Variants in CR1 observed in about 807,000 individuals in gnomAD.
CR1 encodes the protein complement C3b/C4b receptor 1 (Knops blood group).
A neutral mutation model predicts 187.3 loss-of-function variants in CR1; 116 were observed. The observed-to-expected ratio is 0.62, with a 90% CI of 0.53 to 0.72. CR1 has a LOEUF of 0.72. Among genes scored for constraint, CR1 ranks in the 30% least tolerant of loss-of-function variants. CR1 has a pLI of 0.00. For missense variants in CR1, 1,731 were observed against 2,110.7 expected, an observed-to-expected ratio of 0.82 and a Z score of 3.52; for synonymous variants, 576 against 747.1, an observed-to-expected ratio of 0.77 and a Z score of 3.73.
intron 1 of CR1, among the ~76,000 whole-genome samples, chr1:207,498,020 G>A (rs1659144917): frequency 6.6e-6 from 1 of 152,184 alleles, no homozygotes; most frequent in South Asian, 2.1e-4. Flanking sequence ...TACTTATTAG[G>A]AAGCCAGCGT....
chr1:207,609,074 A>AT (rs147424401), intron 36 of CR1, among the ~76,000 whole-genome samples: 5,241 of 152,034 alleles, frequency 0.034, 141 homozygotes, highest in Non-Finnish European at 0.048. Flanking sequence ...AAAAACATGG[A>AT]TTTTTTTTGT....
intron 1 of CR1, among the ~76,000 whole-genome samples, chr1:207,504,808 G>T (rs146047252): frequency 1.3e-5 from 2 of 152,256 alleles, no homozygotes; most frequent in South Asian, 2.1e-4. Context: ...TTTAAAGCAG[G>T]GGTCCTCAAC....
intron 24 of CR1, among the ~76,000 whole-genome samples, chr1:207,566,978 G>A (rs1203549629): frequency 1.3e-5 from 2 of 150,248 alleles, no homozygotes; most frequent in Non-Finnish European, 2.9e-5. Context: ...GCTCCTTGAA[G>A]CAGTATGACA....
At chr1:207,605,553 C>A (rs566076072) in intron 35 of CR1, among the ~76,000 whole-genome samples, 235 of 152,162 alleles carry the variant, frequency 1.5e-3, no homozygotes, top group Non-Finnish European at 2.2e-3. Context: ...TAGGCTGGAA[C>A]CTTCTTCACA....
Position 207,622,986 on chromosome 1 carries a change from T to G in CR1, c.7277-7T>G, listed in dbSNP as rs1299362668. 1 of 1,561,466 alleles carries G rather than the reference T, an allele frequency of 6.4e-7. No individual in the cohort carries two copies. The highest frequency in any genetic ancestry group is 1.9e-5 in the Admixed American group (1 of 52,554). On this transcript the variant is annotated splice_region_variant and splice_polypyrimidine_tract_variant and intron_variant, in intron 44 of 46. Coordinates refer to ENST00000367049, the MANE Select transcript of CR1 (RefSeq NM_000651.6). ...CATGCATTTAATTACCTTGTTTTAC[T>G]GCCTAGGCACTTTATCTGGTACGAT...
intron 35 of CR1, among the ~76,000 whole-genome samples, chr1:207,602,803 G>A (rs567235897): frequency 4.7e-4 from 72 of 152,174 alleles, no homozygotes; most frequent in African/African-American, 1.6e-3. Context: ...GGAAATGGTA[G>A]TGAGATATCG....
intron 3 of CR1, chr1:207,507,138 G>T (rs528994316): frequency 1.1e-4 from 25 of 218,850 alleles, no homozygotes; most frequent in Non-Finnish European, 2.1e-4. Context: ...TGGAAGAAAG[G>T]GAAGGCCATT....
intron 46 of CR1, among the ~76,000 whole-genome samples, chr1:207,635,844 A>C (rs181894371): frequency 7.5e-4 from 115 of 152,320 alleles, no homozygotes; most frequent in Admixed American, 6.4e-3. Context: ...CTTAACAAGC[A>C]TGCTGCCTTC....
intron 4 of CR1, among the ~76,000 whole-genome samples, chr1:207,520,547 C>G (rs1387551731): frequency 6.6e-6 from 1 of 152,212 alleles, no homozygotes; most frequent in Non-Finnish European, 1.5e-5. Flanking sequence ...TGACCAACCT[C>G]TGTGTGATCT....
chr1:207,607,704 C>T (rs781331015), intron 36 of CR1, among the ~76,000 whole-genome samples: 2 of 152,136 alleles, frequency 1.3e-5, no homozygotes, highest in Non-Finnish European at 2.9e-5. Context: ...TCTTGTTATT[C>T]TAATCCAAAT....
intron 3 of CR1, among the ~76,000 whole-genome samples, chr1:207,509,317 C>T (rs542332672): frequency 2.0e-5 from 3 of 152,156 alleles, no homozygotes; most frequent in East Asian, 1.9e-4. Flanking sequence ...TGTGAATCCA[C>T]AACTCTCTCT....
intron 1 of CR1, among the ~76,000 whole-genome samples, chr1:207,498,430 C>G (rs1377153150): frequency 6.6e-6 from 1 of 151,886 alleles, no homozygotes; most frequent in Non-Finnish European, 1.5e-5. Context: ...TCACAGTACC[C>G]GTAAAGTGGT....
Position 207,523,633 on chromosome 1 carries a change from C to A in CR1, c.510C>A (p.Pro170=), listed in dbSNP as rs115554854. The change falls in exon 5 of 47, where the codon CCC becomes CCA. Residue 170 remains proline, a synonymous_variant. Transcript: ENST00000367049. ...ICDRIPCGLP[P]TITNGDFIST... ...CAGGAATTCCTTGTGGGCTACCCCC[C>A]ACCATCACCAATGGAGATTTCATTA... 1,508 of 1,613,918 alleles carry A rather than the reference C, an allele frequency of 9.3e-4. 8 individuals carry two copies. The African/African-American group carries it at 0.016, about 17-fold the overall frequency.
chr1:207,498,349 G>A (rs748988142), intron 1 of CR1, among the ~76,000 whole-genome samples: 1 of 152,174 alleles, frequency 6.6e-6, no homozygotes, highest in African/African-American at 2.4e-5. Context: ...CTTAAAGAGT[G>A]AATCTAGAAA....
intron 35 of CR1, among the ~76,000 whole-genome samples, chr1:207,596,796 A>G (rs916032028): frequency 2.7e-4 from 40 of 147,876 alleles, no homozygotes; most frequent in Admixed American, 2.0e-3. Flanking sequence ...TATATATAAT[A>G]TATATATAAT....
Position 207,614,484 on chromosome 1 carries a change from G to T in CR1, c.6656G>T (p.Cys2219Phe). The T allele has an allele frequency of 6.2e-7, 1 of 1,609,688 alleles. No individual in the cohort carries two copies. Among genetic ancestry groups the T allele is most frequent in the Admixed American group, 1.7e-5 (1 of 59,906 alleles). ...KALWNSSVPV[C>F]EQIFCPNPPA... is the part of the protein sequence containing the mutation. ...CTTTGGAATAGCAGTGTTCCAGTGT[G>T]TGAACGTGAGTAGAAAGAACTATGT... is the stretch of plus-strand genomic sequence containing the variant. The change falls in exon 40 of 47, where the codon TGT becomes TTT. Residue 2219 changes from cysteine (C) to phenylalanine (F), a missense_variant. By Grantham distance (205) the Cys-to-Phe change is radical. Transcript: ENST00000367049.
chr1:207,577,333 G>T (rs781424072), intron 28 of CR1, among the ~76,000 whole-genome samples: 2 of 151,856 alleles, frequency 1.3e-5, no homozygotes, highest in Non-Finnish European at 2.9e-5. Flanking sequence ...ACTGAGTAGA[G>T]CAGCACTCAT....
chr1:207,613,834 A>G (rs1341476326), intron 39 of CR1, among the ~76,000 whole-genome samples: 2 of 152,082 alleles, frequency 1.3e-5, no homozygotes, highest in Non-Finnish European at 2.9e-5. Context: ...TGGGGTGCAA[A>G]GACTCTTCCC....
intron 3 of CR1, 84 bp from the exon 4 acceptor site, chr1:207,511,485 G>C (rs1558217769): frequency 7.4e-7 from 1 of 1,360,474 alleles, no homozygotes; most frequent in Non-Finnish European, 1.0e-6. Flanking sequence ...AATCCTATAA[G>C]AGTGTAATCT....
Sources: gnomAD v4.1 joint callset for allele counts (sites outside exome capture counted in the v4.1 genomes callset) on GRCh38, gnomAD v4.1.1 for gene constraint, MANE v1.5 for transcripts, NCBI Gene and HGNC (gene_info 2026-07-23, HGNC 2026-07-21) for gene names.